The following SMAD2 variants were observed in gnomAD, a reference collection of about 807,000 sequenced individuals.
SMAD2 encodes the protein MAD homolog 2.
In SMAD2, 8 loss-of-function variants were observed where a neutral mutation model predicts 64.4. The observed-to-expected ratio is 0.12, with a 90% CI of 0.07 to 0.22. The LOEUF (loss-of-function observed/expected upper bound fraction) is 0.22, where lower values mean the gene tolerates loss of function less well. Ranked by LOEUF, SMAD2 falls within the 10% of genes least tolerant of loss-of-function variation. The probability of loss-of-function intolerance (pLI) is 1.00; values close to 1 mark genes in which losing one functional copy is unlikely to be tolerated. For synonymous variants in SMAD2, 203 were observed against 195.8 expected (o/e 1.04, Z -0.31); for missense variants, 289 against 561.2 (o/e 0.51, Z 4.90).
chr18:47,821,355 A>C lies in SMAD2; in HGVS notation c.*20472T>G, dbSNP rs1160929526. On this transcript the variant is annotated 3_prime_UTR_variant, in exon 11 of 11. Transcript: ENST00000262160. ...CTGTAACTTTTTTCCTCTGGTTCTA[A>C]CTCTTGCTGTTATAACTTGATACTG... 6.6e-6 allele frequency: 1 copy of C among 151,940 alleles called. No individual in the cohort carries two copies. The highest frequency in any genetic ancestry group is 1.5e-5 in the Non-Finnish European group (1 of 67,984). 9.4% of individuals were successfully genotyped at this position (151,940 alleles called of 1,614,324 possible).
chr18:47,904,213 A>G (rs1404527903), intron 1 of SMAD2, among the ~76,000 whole-genome samples: 1 of 149,094 alleles, frequency 6.7e-6, no homozygotes, highest in Non-Finnish European at 1.5e-5. Context: ...CAGAAAACGG[A>G]AGAGAGCTCC....
At chr18:47,848,048 ATTTCAT>A (rs531620272) in intron 8 of SMAD2, among the ~76,000 whole-genome samples, 4 of 152,136 alleles carry the variant, frequency 2.6e-5, no homozygotes, top group Admixed American at 6.6e-5. Flanking sequence ...CAGCAAGCAG[ATTTCAT>A]TTAATATATA....
At position 47,812,229 on chromosome 18, in the gene SMAD2, T is replaced by C. The variant is rs866846131; in HGVS notation, c.*29598A>G. Reference sequence around the variant, plus strand: ...GTAATAGTGAATAAGTCTCACGAGATCTGATGGTTTTATAAAGGGGAGTTC... The same window carrying C: ...GTAATAGTGAATAAGTCTCACGAGACCTGATGGTTTTATAAAGGGGAGTTC... On this transcript the variant is annotated 3_prime_UTR_variant, in exon 11 of 11. Transcript: ENST00000262160. The C allele has an allele frequency of 6.6e-6, 1 of 152,118 alleles. No homozygotes were observed. The highest frequency in any genetic ancestry group is 1.5e-5 in the Non-Finnish European group (1 of 68,036). The allele number at this position is 152,118 out of a possible 1,614,324, so 9.4% of individuals were successfully genotyped here.
At chr18:47,875,851 G>A (rs1439129310) in intron 2 of SMAD2, among the ~76,000 whole-genome samples, 1 of 152,046 alleles carries the variant, frequency 6.6e-6, no homozygotes, top group Non-Finnish European at 1.5e-5. Context: ...TGCAAGTTAT[G>A]TAAAAATAGT....
chr18:47,860,577 C>G (rs758640564), intron 6 of SMAD2, among the ~76,000 whole-genome samples: 23 of 152,032 alleles, frequency 1.5e-4, no homozygotes, highest in South Asian at 4.1e-4. Flanking sequence ...ACTACCATGC[C>G]CAGCCCTATC....
At chr18:47,867,606 C>T (rs969757747) in intron 5 of SMAD2, among the ~76,000 whole-genome samples, 1 of 144,500 alleles carries the variant, frequency 6.9e-6, no homozygotes, top group African/African-American at 2.6e-5. Flanking sequence ...AAAAATCAAC[C>T]AAACAAAAAG....
chr18:47,861,099 T>C (rs1375089708), intron 6 of SMAD2, among the ~76,000 whole-genome samples: 1 of 152,134 alleles, frequency 6.6e-6, no homozygotes, highest in African/African-American at 2.4e-5. Flanking sequence ...CTCACGGCTG[T>C]AATCCCAGCA....
At chr18:47,912,133 G>A (rs1414746597) in intron 1 of SMAD2, 1 of 152,186 alleles carries the variant, frequency 6.6e-6, no homozygotes, top group African/African-American at 2.4e-5. Context: ...CTAAAGACAG[G>A]AAACGTTTTA....
intron 6 of SMAD2, among the ~76,000 whole-genome samples, chr18:47,858,683 G>A (rs567841783): frequency 1.6e-4 from 24 of 151,744 alleles, no homozygotes; most frequent in East Asian, 3.9e-4. Context: ...TTTACATGAC[G>A]TTGTAAAATA....
At chr18:47,854,008 A>C (rs2030413082) in intron 6 of SMAD2, among the ~76,000 whole-genome samples, 1 of 152,138 alleles carries the variant, frequency 6.6e-6, no homozygotes, top group African/African-American at 2.4e-5. Flanking sequence ...GTTCAGTCAG[A>C]TGTGACAGGT....
chr18:47,927,227 G>A (rs142434533), intron 1 of SMAD2, among the ~76,000 whole-genome samples: 28 of 152,292 alleles, frequency 1.8e-4, no homozygotes, highest in African/African-American at 6.5e-4. Context: ...ACATGTTTCT[G>A]AAAGACTGGC....
At chr18:47,882,917 A>C (rs770700384) in intron 2 of SMAD2, among the ~76,000 whole-genome samples, 9 of 152,178 alleles carry the variant, frequency 5.9e-5, no homozygotes, top group Non-Finnish European at 1.3e-4. Context: ...ATTTGCTTAT[A>C]ATCTTTTTAC....
At chr18:47,875,699 A>C (rs1487883162) in intron 2 of SMAD2, among the ~76,000 whole-genome samples, 1 of 152,128 alleles carries the variant, frequency 6.6e-6, no homozygotes, top group African/African-American at 2.4e-5. Flanking sequence ...ATCCTCTTTC[A>C]ATTTTATTTA....
intron 6 of SMAD2, among the ~76,000 whole-genome samples, chr18:47,853,766 CTGCTGGCAAGTCACAAA>C: frequency 6.6e-6 from 1 of 151,618 alleles, no homozygotes; most frequent in African/African-American, 2.4e-5. Context: ...AGTCACAAAT[CTGCTGGCAAGTCACAAA>C]TCTGCTGGCA....
In SMAD2 at chr18:47,839,298, A is replaced by G; in HGVS notation, c.*2529T>C. On this transcript the variant is annotated 3_prime_UTR_variant, in exon 11 of 11. Transcript: ENST00000262160. ...TGCAAGAGTAACCACCAAGATCAGG[A>G]CCTTCTACCACTTTCAGAGTTGTTT... The G allele has an allele frequency of 8.6e-6, 2 of 233,368 alleles. No individual in the cohort carries two copies. The highest frequency in any genetic ancestry group is 1.7e-5 in the Non-Finnish European group (2 of 118,044). 14.5% of individuals were successfully genotyped at this position (233,368 alleles called of 1,614,324 possible).
chr18:47,896,781 C>A lies in SMAD2; in HGVS notation c.-25G>T. On this transcript the variant is annotated 5_prime_UTR_variant, in exon 2 of 11. Coordinates refer to ENST00000262160, the MANE Select transcript of SMAD2 (RefSeq NM_005901.6). ...TGTTCTTACCAAAGGCAGCAAGCCACGCTAGGAAAACAGCCTCTTGTATCG... is the reference window on the plus strand; with the variant it reads ...TGTTCTTACCAAAGGCAGCAAGCCAAGCTAGGAAAACAGCCTCTTGTATCG... 6.2e-7 allele frequency: 1 copy of A among 1,609,698 alleles called. No homozygotes were observed. The highest frequency in any genetic ancestry group is 1.3e-5 in the African/African-American group (1 of 74,882).
chr18:47,903,880 G>T (rs1020544759), intron 1 of SMAD2, among the ~76,000 whole-genome samples: 5 of 143,400 alleles, frequency 3.5e-5, no homozygotes, highest in African/African-American at 1.3e-4. Context: ...ACAGTGTGGG[G>T]GGGGGGGGGA....
At chr18:47,865,390 A>T (rs1012397924) in intron 5 of SMAD2, among the ~76,000 whole-genome samples, 4 of 152,164 alleles carry the variant, frequency 2.6e-5, no homozygotes, top group Admixed American at 1.3e-4. Context: ...GCTCATTCCT[A>T]TATGTACATA....
intron 8 of SMAD2, among the ~76,000 whole-genome samples, chr18:47,847,957 C>T (rs749719920): frequency 1.3e-5 from 2 of 152,058 alleles, no homozygotes; most frequent in Non-Finnish European, 2.9e-5. Context: ...AGTCCCCAGA[C>T]CACATTTTGA....
Sources: gnomAD v4.1 joint callset for allele counts (sites outside exome capture counted in the v4.1 genomes callset) on GRCh38, gnomAD v4.1.1 for gene constraint, MANE v1.5 for transcripts, NCBI Gene and HGNC (gene_info 2026-07-23, HGNC 2026-07-21) for gene names.